TENM3: variants seen among roughly 807,000 people sequenced by gnomAD.
TENM3 encodes the protein teneurin transmembrane protein 3.
In TENM3, 63 loss-of-function variants were observed where a neutral mutation model predicts 255.1. That is an observed-to-expected ratio of 0.25 (90% confidence interval 0.20 to 0.30). TENM3 has a LOEUF of 0.30. Among genes scored for constraint, TENM3 ranks in the 10% least tolerant of loss-of-function variants. TENM3 has a pLI of 1.00. For synonymous variants in TENM3, 1,306 were observed against 1,322.3 expected, an observed-to-expected ratio of 0.99 and a Z score of 0.27; for missense variants, 2,929 against 3,461.1, an observed-to-expected ratio of 0.85 and a Z score of 3.86.
chr4:182,047,560 C>CAAAAAAAAAAA, the TENM3 span, among the ~76,000 whole-genome samples: 1 of 72,324 alleles, frequency 1.4e-5, no homozygotes, highest in Non-Finnish European at 2.5e-5. Flanking sequence ...GACTCCATCT[C>CAAAAAAAAAAA]AAAAAAAAAA....
intron 1 of TENM3, among the ~76,000 whole-genome samples, chr4:182,298,330 G>A (rs776528538): frequency 3.9e-5 from 6 of 152,136 alleles, no homozygotes; most frequent in Non-Finnish European, 5.9e-5. Context: ...AAATGAGGTG[G>A]AAACGCCTCA....
At chr4:181,506,559 T>C in the TENM3 span, among the ~76,000 whole-genome samples, 1 of 151,982 alleles carries the variant, frequency 6.6e-6, no homozygotes, top group Admixed American at 6.6e-5. Context: ...AGATACGCTG[T>C]CCGGCATCAT....
At chr4:181,598,632 C>A in the TENM3 span, among the ~76,000 whole-genome samples, 1 of 150,180 alleles carries the variant, frequency 6.7e-6, no homozygotes, top group Non-Finnish European at 1.5e-5. Context: ...ACCATTATTC[C>A]ATGATCAAAA....
the TENM3 span, among the ~76,000 whole-genome samples, chr4:181,698,425 G>A: frequency 5.9e-5 from 9 of 151,602 alleles, no homozygotes; most frequent in South Asian, 4.2e-4. Flanking sequence ...CTTTTCCATA[G>A]ACATTTCCCA....
At chr4:181,549,909 A>G in the TENM3 span, among the ~76,000 whole-genome samples, 1 of 151,716 alleles carries the variant, frequency 6.6e-6, no homozygotes, top group African/African-American at 2.4e-5. Flanking sequence ...CCTAATACCC[A>G]AATGTGATTT....
the TENM3 span, among the ~76,000 whole-genome samples, chr4:181,526,635 AT>A: frequency 1.3e-5 from 2 of 151,642 alleles, no homozygotes; most frequent in African/African-American, 4.9e-5. Context: ...ATGTTTTGAG[AT>A]TTTTTTGTGG....
At chr4:182,677,433 G>A (rs1455486470) in intron 7 of TENM3, among the ~76,000 whole-genome samples, 5 of 152,182 alleles carry the variant, frequency 3.3e-5, no homozygotes, top group African/African-American at 1.2e-4. Flanking sequence ...TGTTAGGGAA[G>A]AAAAATGTTT....
chr4:181,869,429 A>G, the TENM3 span, among the ~76,000 whole-genome samples: 6 of 152,156 alleles, frequency 3.9e-5, no homozygotes, highest in East Asian at 1.2e-3. Context: ...GAGTCTTCTA[A>G]TTAATTTAAG....
chr4:182,536,084 T>A (rs1740280078), intron 3 of TENM3, among the ~76,000 whole-genome samples: 1 of 152,210 alleles, frequency 6.6e-6, no homozygotes, highest in Non-Finnish European at 1.5e-5. Flanking sequence ...CGAACAAATA[T>A]GGTGTATTTT....
chr4:182,457,778 T>C (rs1773995208), intron 3 of TENM3, among the ~76,000 whole-genome samples: 1 of 152,134 alleles, frequency 6.6e-6, no homozygotes, highest in Admixed American at 6.5e-5. Flanking sequence ...CCTAGACTAG[T>C]TTCCTAGCTC....
the TENM3 span, among the ~76,000 whole-genome samples, chr4:182,010,954 C>A: frequency 6.6e-6 from 1 of 152,228 alleles, no homozygotes; most frequent in Middle Eastern, 3.2e-3. Flanking sequence ...TCATTCTCTT[C>A]AATTTCCCTC....
chr4:182,160,773 A>G (rs1751091160), intron 1 of TENM3, among the ~76,000 whole-genome samples: 1 of 152,146 alleles, frequency 6.6e-6, no homozygotes, highest in East Asian at 1.9e-4. Context: ...CAGCAAGGTG[A>G]CTGTAATAAT....
chr4:182,540,057 G>GAC (rs1352576472), intron 3 of TENM3, among the ~76,000 whole-genome samples: 1 of 152,208 alleles, frequency 6.6e-6, no homozygotes, highest in Non-Finnish European at 1.5e-5. Flanking sequence ...TTTACTGTGG[G>GAC]ACACAATAAA....
the TENM3 span, among the ~76,000 whole-genome samples, chr4:181,650,583 A>G: frequency 6.6e-6 from 1 of 152,192 alleles, no homozygotes; most frequent in Non-Finnish European, 1.5e-5. Flanking sequence ...GTAATTCTGC[A>G]GATCCCTATT....
chr4:181,573,137 A>T, the TENM3 span, among the ~76,000 whole-genome samples: 1 of 152,130 alleles, frequency 6.6e-6, no homozygotes, highest in Non-Finnish European at 1.5e-5. Flanking sequence ...TTATCCATTC[A>T]TCTGTTGATG....
At chr4:181,851,919 AGAAAG>A in the TENM3 span, among the ~76,000 whole-genome samples, 1 of 152,158 alleles carries the variant, frequency 6.6e-6, no homozygotes, top group Non-Finnish European at 1.5e-5. Context: ...ACATGCCCAA[AGAAAG>A]CCTGGATCAT....
At chr4:182,327,396 G>A (rs775360755) in intron 2 of TENM3, among the ~76,000 whole-genome samples, 2 of 152,128 alleles carry the variant, frequency 1.3e-5, no homozygotes, top group Non-Finnish European at 1.5e-5. Context: ...ATGCAACTTC[G>A]GCTGGAGAAA....
the TENM3 span, among the ~76,000 whole-genome samples, chr4:181,842,318 T>C: frequency 2.0e-5 from 3 of 152,160 alleles, no homozygotes; most frequent in African/African-American, 7.2e-5. Flanking sequence ...ATTTTTTACT[T>C]TTATTTTATT....
chr4:182,095,199 C>G, the TENM3 span, among the ~76,000 whole-genome samples: 1 of 152,176 alleles, frequency 6.6e-6, no homozygotes, highest in Non-Finnish European at 1.5e-5. Flanking sequence ...GAAAGGAAAT[C>G]AGTGTATCAA....
Sources: gnomAD v4.1 joint callset for allele counts (sites outside exome capture counted in the v4.1 genomes callset) on GRCh38, gnomAD v4.1.1 for gene constraint, MANE v1.5 for transcripts, NCBI Gene and HGNC (gene_info 2026-07-23, HGNC 2026-07-21) for gene names.